Variants in MTUS2 observed in about 807,000 individuals in gnomAD.
MTUS2 encodes microtubule associated scaffold protein 2, also known as microtubule-associated tumor suppressor candidate 2.
Under a neutral mutation model 114.1 loss-of-function variants are expected in MTUS2, and 40 were observed. The ratio of observed to expected loss-of-function variants is 0.35; its 90% CI spans 0.27 to 0.46. The LOEUF is 0.46. MTUS2 is among the 20% of genes least tolerant of loss of function. The pLI is 1.00. For synonymous variants in MTUS2, 688 were observed against 672.0 expected (o/e 1.02, Z -0.37); for missense variants, 1,679 against 1,705.4 (o/e 0.98, Z 0.27).
intron 6 of MTUS2, among the ~76,000 whole-genome samples, chr13:29,302,874 T>C (rs1213849535): frequency 6.6e-6 from 1 of 152,236 alleles, no homozygotes; most frequent in Non-Finnish European, 1.5e-5. Context: ...AACTGGGGTC[T>C]CTGGCCACCT....
At chr13:29,058,877 T>C (rs1188529591) in intron 4 of MTUS2, among the ~76,000 whole-genome samples, 1 of 152,168 alleles carries the variant, frequency 6.6e-6, no homozygotes, top group African/African-American at 2.4e-5. Context: ...GGTTATATTA[T>C]GAAATTCTTG....
At chr13:28,949,229 G>T (rs1452444593) in intron 2 of MTUS2, among the ~76,000 whole-genome samples, 1 of 152,200 alleles carries the variant, frequency 6.6e-6, no homozygotes. Context: ...TGAGCCACAA[G>T]AATCGGTTTT....
intron 2 of MTUS2, among the ~76,000 whole-genome samples, chr13:28,901,044 T>C (rs1268869232): frequency 1.3e-5 from 2 of 152,204 alleles, no homozygotes; most frequent in Non-Finnish European, 2.9e-5. Context: ...CAGCATTTGG[T>C]GGTGTTGCTA....
At chr13:28,871,856 G>A (rs1877637846) in intron 2 of MTUS2, among the ~76,000 whole-genome samples, 1 of 152,144 alleles carries the variant, frequency 6.6e-6, no homozygotes, top group African/African-American at 2.4e-5. Context: ...TATCTCAGGG[G>A]AGGAGTGGCC....
chr13:29,017,336 C>T (rs1415506983), intron 2 of MTUS2, among the ~76,000 whole-genome samples: 1 of 152,056 alleles, frequency 6.6e-6, no homozygotes. Flanking sequence ...GCTCCTTTGG[C>T]AAATAAGTTT....
At chr13:29,133,456 G>T (rs937394223) in intron 5 of MTUS2, among the ~76,000 whole-genome samples, 3 of 152,028 alleles carry the variant, frequency 2.0e-5, no homozygotes, top group Non-Finnish European at 4.4e-5. Flanking sequence ...CTTTTGTCCT[G>T]TTTTCTTCTA....
chr13:28,989,546 A>G (rs1198445554), intron 2 of MTUS2, among the ~76,000 whole-genome samples: 1 of 152,126 alleles, frequency 6.6e-6, no homozygotes, highest in Non-Finnish European at 1.5e-5. Flanking sequence ...CTTGTTGGGG[A>G]TGGGAATGGA....
intron 8 of MTUS2, among the ~76,000 whole-genome samples, chr13:29,421,441 G>A (rs934682297): frequency 2.6e-5 from 4 of 152,146 alleles, no homozygotes; most frequent in Non-Finnish European, 5.9e-5. Flanking sequence ...GTGAGACTGC[G>A]ATACAATTTT....
At chr13:29,047,055 G>A (rs1274843123) in intron 4 of MTUS2, among the ~76,000 whole-genome samples, 1 of 152,232 alleles carries the variant, frequency 6.6e-6, no homozygotes, top group Non-Finnish European at 1.5e-5. Context: ...TGGCCAAGGA[G>A]GCACCCCTCT....
intron 8 of MTUS2, among the ~76,000 whole-genome samples, chr13:29,423,824 G>C (rs1359423929): frequency 6.6e-6 from 1 of 151,876 alleles, no homozygotes; most frequent in African/African-American, 2.4e-5. Context: ...ATAAGTTCTA[G>C]TGTTGGATAG....
At chr13:29,330,651 A>G (rs1350383918) in intron 7 of MTUS2, among the ~76,000 whole-genome samples, 1 of 152,178 alleles carries the variant, frequency 6.6e-6, no homozygotes, top group Non-Finnish European at 1.5e-5. Flanking sequence ...TTTTCTGCAT[A>G]TGGCGAGCCA....
chr13:29,457,832 T>C (rs1879227191), intron 9 of MTUS2, among the ~76,000 whole-genome samples: 1 of 152,204 alleles, frequency 6.6e-6, no homozygotes, highest in South Asian at 2.1e-4. Context: ...GTTGTTGTTT[T>C]AGTCATTCTA....
intron 2 of MTUS2, among the ~76,000 whole-genome samples, chr13:28,978,222 C>T (rs570098920): frequency 1.3e-5 from 2 of 152,276 alleles, no homozygotes; most frequent in African/African-American, 4.8e-5. Context: ...GTCTCAACTA[C>T]CTAGTGGTGA....
At chr13:29,309,683 G>A (rs1467122046) in intron 6 of MTUS2, among the ~76,000 whole-genome samples, 1 of 152,100 alleles carries the variant, frequency 6.6e-6, no homozygotes, top group African/African-American at 2.4e-5. Flanking sequence ...AGACCACATA[G>A]TAGGTTCTAA....
At chr13:28,840,115 G>A (rs1875372589) in intron 2 of MTUS2, among the ~76,000 whole-genome samples, 1 of 151,622 alleles carries the variant, frequency 6.6e-6, no homozygotes, top group African/African-American at 2.4e-5. Flanking sequence ...ATTTGTAGGG[G>A]GTGTTTAGAA....
intron 2 of MTUS2, among the ~76,000 whole-genome samples, chr13:28,986,966 G>A (rs1402908709): frequency 6.6e-6 from 1 of 152,240 alleles, no homozygotes; most frequent in Non-Finnish European, 1.5e-5. Flanking sequence ...GGACAGCCAT[G>A]CTCTAGTCCA....
intron 5 of MTUS2, among the ~76,000 whole-genome samples, chr13:29,214,785 C>G (rs1438590797): frequency 1.3e-5 from 2 of 152,088 alleles, no homozygotes; most frequent in Non-Finnish European, 2.9e-5. Flanking sequence ...CTCTGACTGC[C>G]CTGAATATTT....
chr13:29,080,729 CT>C (rs1450812790), intron 4 of MTUS2, among the ~76,000 whole-genome samples: 2 of 151,970 alleles, frequency 1.3e-5, no homozygotes, highest in Non-Finnish European at 2.9e-5. Flanking sequence ...CTCTCTCTCT[CT>C]TTTTCTTTTT....
Position 29,504,272 on chromosome 13 carries a change from A to C in MTUS2, c.*1066A>C, listed in dbSNP as rs1883091180. ...CTCTGATGCGATGCTGTAAATGATC[A>C]ACTCTTTGAAATAGGACCCTCAGGC... On this transcript the variant is annotated 3_prime_UTR_variant, in exon 16 of 16. Transcript: ENST00000612955. The C allele has an allele frequency of 4.3e-6, 1 of 232,330 alleles. No individual in the cohort carries two copies. The highest frequency in any genetic ancestry group is 2.2e-5 in the African/African-American group (1 of 45,218). 14.4% of individuals were successfully genotyped at this position (232,330 alleles called of 1,614,324 possible).
Sources: allele counts gnomAD v4.1 joint callset (sites outside exome capture counted in the v4.1 genomes callset), GRCh38; gene constraint gnomAD v4.1.1; transcripts MANE v1.5; gene names NCBI Gene and HGNC (gene_info 2026-07-23, HGNC 2026-07-21).